The following PRKG1 variants were observed in gnomAD, a reference collection of about 807,000 sequenced individuals.
PRKG1 encodes cGMP-dependent protein kinase 1.
A neutral mutation model predicts 88.1 loss-of-function variants in PRKG1; 35 were observed. The ratio of observed to expected loss-of-function variants is 0.40; its 90% CI spans 0.30 to 0.53. The LOEUF is 0.53. Among genes scored for constraint, PRKG1 ranks in the 20% least tolerant of loss-of-function variants. PRKG1 has a pLI of 0.59. For missense variants in PRKG1, 540 were observed against 839.8 expected, an observed-to-expected ratio of 0.64 and a Z score of 4.41; for synonymous variants, 303 against 292.5, an observed-to-expected ratio of 1.04 and a Z score of -0.37.
At chr10:51,203,772 T>C (rs1229751055) in intron 2 of PRKG1, among the ~76,000 whole-genome samples, 1 of 152,214 alleles carries the variant, frequency 6.6e-6, no homozygotes, top group Non-Finnish European at 1.5e-5. Flanking sequence ...TGTGAGTAAT[T>C]TTCTTTAAAC....
At chr10:51,205,343 G>T (rs562703366) in intron 2 of PRKG1, among the ~76,000 whole-genome samples, 1 of 150,492 alleles carries the variant, frequency 6.6e-6, no homozygotes, top group Non-Finnish European at 1.5e-5. Flanking sequence ...CACCATCTCG[G>T]CCAGGCTGGT....
intron 5 of PRKG1, among the ~76,000 whole-genome samples, chr10:51,994,438 G>T (rs1844386131): frequency 6.6e-6 from 1 of 152,090 alleles, no homozygotes; most frequent in African/African-American, 2.4e-5. Flanking sequence ...TTCCAAAGTA[G>T]ATAATATTAT....
chr10:51,425,034 C>A (rs1838536476), intron 2 of PRKG1, among the ~76,000 whole-genome samples: 1 of 151,860 alleles, frequency 6.6e-6, no homozygotes, highest in Non-Finnish European at 1.5e-5. Context: ...TCCTTTCTCC[C>A]TTCCTTCTTC....
chr10:51,820,981 T>G (rs1839729623), intron 4 of PRKG1, among the ~76,000 whole-genome samples: 1 of 152,186 alleles, frequency 6.6e-6, no homozygotes, highest in Non-Finnish European at 1.5e-5. Context: ...TTCCACTTCT[T>G]TGGAAGGCCC....
Position 51,348,769 on chromosome 10 carries a change from A to G in PRKG1, c.479-118954A>G, listed in dbSNP as rs558007345. Among the ~76,000 whole-genome samples, 259 of 152,254 alleles carry G rather than the reference A, an allele frequency of 1.7e-3. 2 individuals carry two copies. The highest frequency in any genetic ancestry group is 6.0e-3 in the African/African-American group (248 of 41,526). On this transcript the variant is annotated intron_variant, in intron 2 of 17. Coordinates refer to ENST00000373980, the MANE Select transcript of PRKG1 (RefSeq NM_006258.4). ...ATTGCCACTTATTCTGACATATCCC[A>G]TCAATATAAAAAAACTGAGTGAAGT...
chr10:52,085,378 A>T (rs1036871095), intron 7 of PRKG1, among the ~76,000 whole-genome samples: 1 of 151,894 alleles, frequency 6.6e-6, no homozygotes, highest in African/African-American at 2.4e-5. Flanking sequence ...TCACTGCTGG[A>T]AGTCCTTCAT....
At chr10:52,042,575 A>G (rs537607347) in intron 5 of PRKG1, among the ~76,000 whole-genome samples, 2 of 152,320 alleles carry the variant, frequency 1.3e-5, no homozygotes, top group South Asian at 4.1e-4. Context: ...AATGAACTTC[A>G]AATGGATTAA....
chr10:52,102,544 G>A (rs796464921), intron 7 of PRKG1, among the ~76,000 whole-genome samples: 79 of 148,756 alleles, frequency 5.3e-4, no homozygotes, highest in African/African-American at 1.9e-3. Context: ...CATAGGATCT[G>A]TGACTGAGCC....
intron 9 of PRKG1, among the ~76,000 whole-genome samples, chr10:52,249,365 C>A (rs1315837458): frequency 2.0e-5 from 3 of 151,812 alleles, no homozygotes; most frequent in Non-Finnish European, 4.4e-5. Context: ...GGTTTTAACT[C>A]TTACTGTGCA....
At chr10:51,326,448 T>C (rs1166281976) in intron 2 of PRKG1, among the ~76,000 whole-genome samples, 2 of 152,202 alleles carry the variant, frequency 1.3e-5, no homozygotes, top group Admixed American at 1.3e-4. Context: ...TAGGAGTAAA[T>C]AAGTTTCTGG....
intron 4 of PRKG1, among the ~76,000 whole-genome samples, chr10:51,810,306 T>C (rs926868495): frequency 3.3e-5 from 5 of 152,218 alleles, no homozygotes; most frequent in Non-Finnish European, 7.3e-5. Context: ...ACTGATCATA[T>C]GGTTTGGCCC....
At chr10:52,262,561 G>A (rs557326226) in intron 10 of PRKG1, among the ~76,000 whole-genome samples, 22 of 152,010 alleles carry the variant, frequency 1.4e-4, no homozygotes, top group Non-Finnish European at 2.4e-4. Context: ...ATGAGCCACC[G>A]CACTTGGTCT....
chr10:51,849,858 C>T (rs1033599930), intron 4 of PRKG1, among the ~76,000 whole-genome samples: 2 of 151,892 alleles, frequency 1.3e-5, no homozygotes, highest in Non-Finnish European at 2.9e-5. Context: ...CTTAAGCATA[C>T]AGAATTTTAG....
intron 5 of PRKG1, among the ~76,000 whole-genome samples, chr10:52,013,703 G>A (rs1180069110): frequency 7.9e-5 from 12 of 152,168 alleles, no homozygotes; most frequent in Admixed American, 7.9e-4. Flanking sequence ...AAGAAATTTT[G>A]ACTTTAATGT....
intron 5 of PRKG1, among the ~76,000 whole-genome samples, chr10:51,946,094 C>T (rs11000239): frequency 0.2 from 30,344 of 151,966 alleles, 3,977 homozygotes; most frequent in Non-Finnish European, 0.29. Flanking sequence ...CATTCAGATA[C>T]ACCAATCAGA....
At chr10:51,647,327 T>C (rs761857150) in intron 3 of PRKG1, among the ~76,000 whole-genome samples, 6 of 152,132 alleles carry the variant, frequency 3.9e-5, no homozygotes, top group Non-Finnish European at 7.4e-5. Flanking sequence ...TTCATCAATA[T>C]AATTGAGACA....
chr10:51,735,241 T>A (rs1208790910), intron 3 of PRKG1, among the ~76,000 whole-genome samples: 2 of 152,170 alleles, frequency 1.3e-5, no homozygotes, highest in Non-Finnish European at 2.9e-5. Context: ...AGGGTCAATG[T>A]GGAGAAGTGA....
intron 3 of PRKG1, among the ~76,000 whole-genome samples, chr10:51,616,495 C>T (rs959331764): frequency 1.2e-4 from 19 of 152,106 alleles, no homozygotes; most frequent in African/African-American, 4.3e-4. Context: ...CCAGGTGGCA[C>T]ATGCAGATAG....
intron 2 of PRKG1, among the ~76,000 whole-genome samples, chr10:51,231,201 G>A (rs1260174674): frequency 1.3e-5 from 2 of 152,102 alleles, no homozygotes; most frequent in Non-Finnish European, 2.9e-5. Context: ...TAAATTTTAG[G>A]GGGCAATCCC....
Sources: gnomAD v4.1 joint callset for allele counts (sites outside exome capture counted in the v4.1 genomes callset) on GRCh38, gnomAD v4.1.1 for gene constraint, MANE v1.5 for transcripts, NCBI Gene and HGNC (gene_info 2026-07-23, HGNC 2026-07-21) for gene names.